PDSS2: variants seen among roughly 807,000 people sequenced by gnomAD.
PDSS2 encodes the protein all trans-polyprenyl-diphosphate synthase PDSS2.
A neutral mutation model predicts 44.5 loss-of-function variants in PDSS2; 31 were observed. That is an observed-to-expected ratio of 0.70 (90% CI 0.52 to 0.94). The LOEUF (loss-of-function observed/expected upper bound fraction) is 0.94, where lower values mean the gene tolerates loss of function less well. Among genes scored for constraint, PDSS2 ranks in the 40% least tolerant of loss-of-function variants. PDSS2 has a pLI of 0.00. For synonymous variants in PDSS2, 157 were observed against 180.3 expected (o/e 0.87, Z 1.03); for missense variants, 452 against 482.2 (o/e 0.94, Z 0.59).
intron 1 of PDSS2, among the ~76,000 whole-genome samples, chr6:107,405,143 G>GA (rs60244392): frequency 0.076 from 10,999 of 144,678 alleles, 460 homozygotes; most frequent in Non-Finnish European, 0.099. Context: ...AATGCTTAAA[G>GA]AAAAAAAAAA....
intron 1 of PDSS2, among the ~76,000 whole-genome samples, chr6:107,377,818 T>C (rs982818875): frequency 6.6e-6 from 1 of 151,524 alleles, no homozygotes; most frequent in African/African-American, 2.4e-5. Context: ...TTCTCACTCA[T>C]AGATGGGAAC....
intron 4 of PDSS2, among the ~76,000 whole-genome samples, chr6:107,225,056 C>T (rs1177461678): frequency 2.1e-5 from 3 of 145,862 alleles, no homozygotes; most frequent in Non-Finnish European, 4.4e-5. Flanking sequence ...GCCATGGCAG[C>T]TGGCTTCCCT....
At chr6:107,179,481 AT>A (rs1771901399) in intron 7 of PDSS2, among the ~76,000 whole-genome samples, 1 of 150,516 alleles carries the variant, frequency 6.6e-6, no homozygotes, top group South Asian at 2.1e-4. Flanking sequence ...GGGTTTCACC[AT>A]GTTGGTCAGG....
chr6:107,347,647 T>C (rs1310670445), intron 1 of PDSS2, among the ~76,000 whole-genome samples: 1 of 152,190 alleles, frequency 6.6e-6, no homozygotes, highest in Non-Finnish European at 1.5e-5. Context: ...TCCTTGATGT[T>C]GGGCAGAATG....
At chr6:107,431,231 A>G (rs987005099) in intron 1 of PDSS2, among the ~76,000 whole-genome samples, 2 of 152,114 alleles carry the variant, frequency 1.3e-5, no homozygotes, top group African/African-American at 2.4e-5. Context: ...ACTATTCCAC[A>G]TAGCTTTAAC....
intron 1 of PDSS2, among the ~76,000 whole-genome samples, chr6:107,387,851 G>T (rs1779657802): frequency 6.6e-6 from 1 of 152,182 alleles, no homozygotes; most frequent in South Asian, 2.1e-4. Context: ...TGGAGCAAAT[G>T]TTACAAAAAT....
intron 2 of PDSS2, among the ~76,000 whole-genome samples, chr6:107,332,433 C>CA (rs1777741806): frequency 6.6e-6 from 1 of 152,082 alleles, no homozygotes; most frequent in Non-Finnish European, 1.5e-5. Flanking sequence ...AGCTCTAACT[C>CA]AAGCAGGTTT....
intron 1 of PDSS2, among the ~76,000 whole-genome samples, chr6:107,377,036 A>G (rs942602227): frequency 6.0e-5 from 9 of 150,714 alleles, no homozygotes; most frequent in African/African-American, 2.2e-4. Context: ...AAATTGACAA[A>G]TGGGATCTAA....
chr6:107,201,082 C>T (rs1183458464), intron 6 of PDSS2, among the ~76,000 whole-genome samples: 2 of 152,068 alleles, frequency 1.3e-5, no homozygotes, highest in Non-Finnish European at 2.9e-5. Context: ...CCACACTGTT[C>T]GTCCCCAGAA....
chr6:107,267,167 T>C (rs936949535), intron 3 of PDSS2, among the ~76,000 whole-genome samples: 8 of 152,202 alleles, frequency 5.3e-5, no homozygotes, highest in African/African-American at 1.9e-4. Context: ...TTTTCTAAGG[T>C]GGCAACTATA....
At chr6:107,319,743 T>G (rs1455641780) in intron 2 of PDSS2, among the ~76,000 whole-genome samples, 1 of 152,204 alleles carries the variant, frequency 6.6e-6, no homozygotes, top group Non-Finnish European at 1.5e-5. Context: ...TATAAACCGT[T>G]GCAGACGTGT....
chr6:107,355,298 C>G (rs978798142), intron 1 of PDSS2, among the ~76,000 whole-genome samples: 3 of 152,036 alleles, frequency 2.0e-5, no homozygotes, highest in Non-Finnish European at 4.4e-5. Context: ...GATGGAAATA[C>G]AGAAAATGGG....
chr6:107,358,595 T>TA (rs1329659944), intron 1 of PDSS2, among the ~76,000 whole-genome samples: 4 of 152,178 alleles, frequency 2.6e-5, no homozygotes, highest in Admixed American at 6.5e-5. Context: ...AAGTAGCCAG[T>TA]AAAAGCCATT....
rs1562416964 is a variant in PDSS2 at position 107,261,914 on chromosome 6, T to TC, written c.630+12114_630+12115insG. On this transcript the variant is annotated intron_variant, in intron 3 of 7. Coordinates refer to ENST00000369037, the MANE Select transcript of PDSS2 (RefSeq NM_020381.4). Reference sequence around the variant, plus strand: ...ATTTCTTTTCTTTCTTTTCTTTTTTTTTTTTTTTTTTTGAGATGGAGTCTG... The same window carrying TC: ...ATTTCTTTTCTTTCTTTTCTTTTTTTCTTTTTTTTTTTTGAGATGGAGTCTG... Among the ~76,000 whole-genome samples the TC allele has an allele frequency of 3.2e-4, 35 of 109,230 alleles. No homozygotes were observed. In the East Asian group the frequency reaches 5.4e-3, roughly 17 times the overall value. 71.7% of individuals were successfully genotyped at this position (109,230 alleles called of 152,430 possible).
chr6:107,362,470 G>A (rs1188947606), intron 1 of PDSS2, among the ~76,000 whole-genome samples: 1 of 152,194 alleles, frequency 6.6e-6, no homozygotes, highest in East Asian at 1.9e-4. Context: ...ATAAAATAGT[G>A]AGAAGAGACG....
At chr6:107,247,604 T>C (rs920274944) in intron 3 of PDSS2, among the ~76,000 whole-genome samples, 8 of 152,012 alleles carry the variant, frequency 5.3e-5, no homozygotes, top group Admixed American at 4.6e-4. Context: ...AAAGCAAGAG[T>C]AGCCTAAGAA....
chr6:107,217,779 A>T (rs1264986769), intron 4 of PDSS2, among the ~76,000 whole-genome samples: 1 of 152,248 alleles, frequency 6.6e-6, no homozygotes, highest in Non-Finnish European at 1.5e-5. Context: ...AAAGTTGATC[A>T]CAGAAATTGG....
At chr6:107,383,547 T>A (rs1308073708) in intron 1 of PDSS2, among the ~76,000 whole-genome samples, 3 of 151,222 alleles carry the variant, frequency 2.0e-5, no homozygotes, top group Non-Finnish European at 4.4e-5. Flanking sequence ...TGGGAGAAAA[T>A]ATTTGCAAAC....
intron 3 of PDSS2, among the ~76,000 whole-genome samples, chr6:107,263,142 T>G (rs529246831): frequency 6.7e-6 from 1 of 148,630 alleles, no homozygotes; most frequent in Non-Finnish European, 1.5e-5. Context: ...ATGCAGATTT[T>G]TTTTTTTCTT....
Sources: gnomAD v4.1 joint callset for allele counts (sites outside exome capture counted in the v4.1 genomes callset) on GRCh38, gnomAD v4.1.1 for gene constraint, MANE v1.5 for transcripts, NCBI Gene and HGNC (gene_info 2026-07-23, HGNC 2026-07-21) for gene names.